EPS8: variants seen among roughly 807,000 people sequenced by gnomAD.
The protein encoded by EPS8 is EGFR pathway substrate 8, signaling adaptor.
EPS8 carries 42 observed loss-of-function variants against 103.8 expected under a neutral mutation model. That is an observed-to-expected ratio of 0.40 (90% CI 0.32 to 0.52). The LOEUF is 0.52. Among genes scored for constraint, EPS8 ranks in the 20% least tolerant of loss-of-function variants. The pLI is 0.40. For missense variants in EPS8, 969 were observed against 1,005.1 expected (o/e 0.96, Z 0.49); for synonymous variants, 344 against 344.6 (o/e 1.00, Z 0.02).
rs755162789 is a variant in EPS8, at chr12:15,748,620, G to A, written c.-22+40541C>T. Among the ~76,000 whole-genome samples the A allele has an allele frequency of 3.3e-5, 5 of 152,082 alleles. No homozygotes were observed. Among genetic ancestry groups the A allele is most frequent in the African/African-American group, 9.7e-5 (4 of 41,404 alleles). On this transcript the variant is annotated intron_variant, in intron 1 of 20. Coordinates refer to ENST00000281172, the MANE Select transcript of EPS8 (RefSeq NM_004447.6). The surrounding 1 kb of genome is among the most constrained non-coding windows in gnomAD (Gnocchi z 4.8). ...AACAACTCAAATAAAGTATAAACACGTAGCTTTCATTCCTTTCATCTGATA... is the reference window on the plus strand; with the variant it reads ...AACAACTCAAATAAAGTATAAACACATAGCTTTCATTCCTTTCATCTGATA...
rs557871189 is a variant in EPS8, at chr12:15,688,616, G to A, written c.-21-5644C>T. ...CTAGCATGCTGCAGGCCACTAACCA[G>A]CAGAATGACGCGGAATTTGGAGTTT... On this transcript the variant is annotated intron_variant, in intron 1 of 20. Transcript: ENST00000281172. This position sits in a 1 kb window ranked among gnomAD's most constrained non-coding sequence, Gnocchi z 5.1. Among the ~76,000 whole-genome samples the A allele has an allele frequency of 6.6e-6, 1 of 152,236 alleles. No homozygotes were observed. Among genetic ancestry groups the A allele is most frequent in the South Asian group, 2.1e-4 (1 of 4,820 alleles).
chr12:15,740,438 G>A (rs1946808539), intron 1 of EPS8, among the ~76,000 whole-genome samples: 1 of 151,942 alleles, frequency 6.6e-6, no homozygotes. Context: ...CCAGCTACTC[G>A]GGAGGCCAAG....
chr12:15,773,989 C>T (rs1364051547), intron 1 of EPS8, among the ~76,000 whole-genome samples: 2 of 151,874 alleles, frequency 1.3e-5, no homozygotes, highest in African/African-American at 2.4e-5. Context: ...CTTTAACAGC[C>T]TCATCTTCTT....
chr12:15,740,998 GT>G (rs1946815507), intron 1 of EPS8, among the ~76,000 whole-genome samples: 1 of 152,104 alleles, frequency 6.6e-6, no homozygotes, highest in South Asian at 2.1e-4. Flanking sequence ...ATAATGGAGA[GT>G]TGTCCTAAAG....
At position 15,690,340 on chromosome 12, in the gene EPS8, T is replaced by C. The variant is rs1158018298; in HGVS notation, c.-21-7368A>G. 1.3e-5 allele frequency among the ~76,000 whole-genome samples: 2 copies of C among 152,194 alleles called. No individual in the cohort carries two copies. The highest frequency in any genetic ancestry group is 2.9e-5 in the Non-Finnish European group (2 of 68,022). Reference sequence around the variant, plus strand: ...GTAAAAACTTAATTGTTAAACCACATGGGACTCTTTAAAAAGCATAAGAAT... The same window carrying C: ...GTAAAAACTTAATTGTTAAACCACACGGGACTCTTTAAAAAGCATAAGAAT... On this transcript the variant is annotated intron_variant, in intron 1 of 20. Coordinates refer to ENST00000281172, the MANE Select transcript of EPS8 (RefSeq NM_004447.6). This position sits in a 1 kb window ranked among gnomAD's most constrained non-coding sequence, Gnocchi z 4.7.
In EPS8 at chr12:15,767,380, T is replaced by G. The variant is rs1947108794; in HGVS notation, c.-22+21781A>C. 6.6e-6 allele frequency among the ~76,000 whole-genome samples: 1 copy of G among 152,192 alleles called. No homozygotes were observed. Among genetic ancestry groups the G allele is most frequent in the Non-Finnish European group, 1.5e-5 (1 of 68,028 alleles). On this transcript the variant is annotated intron_variant, in intron 1 of 20. Coordinates refer to ENST00000281172, the MANE Select transcript of EPS8 (RefSeq NM_004447.6). The surrounding 1 kb of genome is among the most constrained non-coding windows in gnomAD (Gnocchi z 5.5). ...ATTTTATGCAGAAAAATGTTTCTGCTATGAAATGTTTTATCTTGACGCTTT... is the reference window on the plus strand; with the variant it reads ...ATTTTATGCAGAAAAATGTTTCTGCGATGAAATGTTTTATCTTGACGCTTT...
In EPS8 at chr12:15,761,172, A is replaced by C. The variant is rs979398413; in HGVS notation, c.-22+27989T>G. On this transcript the variant is annotated intron_variant, in intron 1 of 20. Coordinates refer to ENST00000281172, the MANE Select transcript of EPS8 (RefSeq NM_004447.6). This position sits in a 1 kb window ranked among gnomAD's most constrained non-coding sequence, Gnocchi z 4.5. Reference sequence around the variant, plus strand: ...AGACAACAATCTGAAAAAGAAAAAAAAAGTAATCCCATTTACAACAGCCAC... The same window carrying C: ...AGACAACAATCTGAAAAAGAAAAAACAAGTAATCCCATTTACAACAGCCAC... Among the ~76,000 whole-genome samples the C allele has an allele frequency of 6.6e-6, 1 of 152,148 alleles. No individual in the cohort carries two copies.
intron 1 of EPS8, among the ~76,000 whole-genome samples, chr12:15,741,632 C>T (rs980410377): frequency 6.6e-6 from 1 of 152,066 alleles, no homozygotes; most frequent in African/African-American, 2.4e-5. Flanking sequence ...TCTTTTAAAG[C>T]GTAAAGTCCA....
Position 15,696,501 on chromosome 12 carries a change from C to T in EPS8, c.-21-13529G>A, listed in dbSNP as rs1393990949. Among the ~76,000 whole-genome samples the T allele has an allele frequency of 1.3e-5, 2 of 151,938 alleles. No homozygotes were observed. The highest frequency in any genetic ancestry group is 1.5e-5 in the Non-Finnish European group (1 of 68,000). ...CTAAAAATACAAAAAATTAGCTGGG[C>T]ATGATGACATATACCTGTAATCCCA... is the stretch of plus-strand genomic sequence containing the variant. On this transcript the variant is annotated intron_variant, in intron 1 of 20. Coordinates refer to ENST00000281172, the MANE Select transcript of EPS8 (RefSeq NM_004447.6). The surrounding 1 kb of genome is among the most constrained non-coding windows in gnomAD (Gnocchi z 4.8).
Position 15,771,130 on chromosome 12 carries a change from A to C in EPS8, c.-22+18031T>G, listed in dbSNP as rs1183962017. On this transcript the variant is annotated intron_variant, in intron 1 of 20. Coordinates refer to ENST00000281172, the MANE Select transcript of EPS8 (RefSeq NM_004447.6). The surrounding 1 kb of genome is among the most constrained non-coding windows in gnomAD (Gnocchi z 4.6). The stretch of plus-strand genomic sequence containing the variant: ...ACCAAAGAAGGTAGATTATTCTACA[A>C]TGGCAGATAAAGTAGACCTTAACTG... 6.6e-6 allele frequency among the ~76,000 whole-genome samples: 1 copy of C among 152,224 alleles called. No homozygotes were observed. Among genetic ancestry groups the C allele is most frequent in the African/African-American group, 2.4e-5 (1 of 41,456 alleles).
In EPS8 at chr12:15,654,325, A is replaced by G. The variant is rs566567656; in HGVS notation, c.1102-32T>C. On this transcript the variant is annotated intron_variant, in intron 12 of 20. Transcript: ENST00000281172. ...TAATAAACCATTTTTTAGCAAGAAG[A>G]TTACTATTCTTTGTGTATTTTCAAA... 26 of 1,602,104 alleles carry G rather than the reference A, an allele frequency of 1.6e-5. No homozygotes were observed. The African/African-American group carries it at 3.1e-4, about 19-fold the overall frequency.
At chr12:15,691,633 T>G (rs1946173417) in intron 1 of EPS8, among the ~76,000 whole-genome samples, 1 of 152,028 alleles carries the variant, frequency 6.6e-6, no homozygotes, top group African/African-American at 2.4e-5. Context: ...TTTGGACACT[T>G]AGGAAACTGT....
intron 6 of EPS8, among the ~76,000 whole-genome samples, chr12:15,666,798 C>T (rs1945720470): frequency 6.6e-6 from 1 of 152,122 alleles, no homozygotes; most frequent in African/African-American, 2.4e-5. Context: ...TATGTACACG[C>T]TAAAAATGAA....
In EPS8 at chr12:15,785,143, TCCCAAGG is replaced by T. The variant is rs2136059972; in HGVS notation, c.-22+4011_-22+4017del. Among the ~76,000 whole-genome samples the T allele has an allele frequency of 6.6e-6, 1 of 152,186 alleles. No individual in the cohort carries two copies. Among genetic ancestry groups the T allele is most frequent in the East Asian group, 1.9e-4 (1 of 5,178 alleles). On this transcript the variant is annotated intron_variant, in intron 1 of 20. Transcript: ENST00000281172. The surrounding 1 kb of genome is among the most constrained non-coding windows in gnomAD (Gnocchi z 4.9). ...GCAAATCATTTAGAAGGTCAAGGAA[TCCCAAGG>T]TGGAATGCAGATTGTAACAAAGAAA...
At chr12:15,678,291 C>CA (rs1945944348) in intron 3 of EPS8, among the ~76,000 whole-genome samples, 1 of 152,128 alleles carries the variant, frequency 6.6e-6, no homozygotes, top group Admixed American at 6.5e-5. Context: ...TGAGAACTCT[C>CA]AGAGGGAAGG....
At chr12:15,643,560 T>G (rs1662836260) in intron 15 of EPS8, among the ~76,000 whole-genome samples, 1 of 151,894 alleles carries the variant, frequency 6.6e-6, no homozygotes. Flanking sequence ...TCCAATATCG[T>G]GAAACCCCAT....
At chr12:15,635,347 A>C (rs1945116203) in intron 17 of EPS8, among the ~76,000 whole-genome samples, 1 of 152,212 alleles carries the variant, frequency 6.6e-6, no homozygotes, top group Non-Finnish European at 1.5e-5. Flanking sequence ...GGAAAATGTC[A>C]ATACATGTGA....
At chr12:15,750,132 C>T (rs1193062196) in intron 1 of EPS8, among the ~76,000 whole-genome samples, 1 of 152,170 alleles carries the variant, frequency 6.6e-6, no homozygotes, top group East Asian at 1.9e-4. Context: ...AGAGGATACA[C>T]CTGCCACTCC....
intron 1 of EPS8, among the ~76,000 whole-genome samples, chr12:15,692,272 G>C (rs573069927): frequency 1.4e-4 from 21 of 150,872 alleles, no homozygotes; most frequent in African/African-American, 4.6e-4. Context: ...CTTTACACAT[G>C]ATGGACCGTT....
Sources: allele counts gnomAD v4.1 joint callset (sites outside exome capture counted in the v4.1 genomes callset), GRCh38; gene constraint gnomAD v4.1.1; non-coding constraint Gnocchi (gnomAD v3.1); transcripts MANE v1.5; gene names NCBI Gene and HGNC (gene_info 2026-07-23, HGNC 2026-07-21).